Variants in TTC5 observed in about 807,000 individuals in gnomAD.
TTC5 encodes the protein tetratricopeptide repeat protein 5.
Under a neutral mutation model 57.4 loss-of-function variants are expected in TTC5, and 46 were observed. The observed-to-expected ratio is 0.80, with a 90% CI of 0.63 to 1.03. TTC5 has a LOEUF of 1.03. Ranked by LOEUF, TTC5 falls within the 50% of genes least tolerant of loss-of-function variation. The pLI is 0.00. For missense variants in TTC5, 504 were observed against 528.1 expected (o/e 0.95, Z 0.45); for synonymous variants, 190 against 203.5 (o/e 0.93, Z 0.57).
At position 20,290,502 on chromosome 14, in the gene TTC5, G is replaced by C. The variant is rs536959868; in HGVS notation, c.1204-756C>G. On this transcript the variant is annotated intron_variant, in intron 9 of 9. Coordinates refer to ENST00000258821, the MANE Select transcript of TTC5 (RefSeq NM_138376.3). Reference sequence around the variant, plus strand: ...TTAATATTCATGCTATATTTTCCATGTAAAATTAGAAAATAACTTTTCAAA... The same window carrying C: ...TTAATATTCATGCTATATTTTCCATCTAAAATTAGAAAATAACTTTTCAAA... Among the ~76,000 whole-genome samples the C allele has an allele frequency of 1.4e-3, 217 of 152,210 alleles. 1 individual carries two copies. The highest frequency in any genetic ancestry group is 1.1e-3 in the Admixed American group (17 of 15,286).
At chr14:20,303,286 G>C (rs1248053042) in intron 1 of TTC5, among the ~76,000 whole-genome samples, 1 of 151,924 alleles carries the variant, frequency 6.6e-6, no homozygotes. Context: ...AAAGTGCTGG[G>C]ACTACAGGCA....
chr14:20,297,680 G>C (rs762632758), intron 5 of TTC5, among the ~76,000 whole-genome samples: 5 of 152,024 alleles, frequency 3.3e-5, no homozygotes, highest in Non-Finnish European at 7.4e-5. Flanking sequence ...GACTGAGGCA[G>C]GAGACTCACT....
intron 9 of TTC5, among the ~76,000 whole-genome samples, chr14:20,291,494 CA>C (rs1881951990): frequency 6.6e-6 from 1 of 152,134 alleles, no homozygotes; most frequent in Non-Finnish European, 1.5e-5. Flanking sequence ...TGGGGCAAGG[CA>C]GGTAATAAAA....
chr14:20,299,462 G>A lies in TTC5; in HGVS notation c.397-14C>T, dbSNP rs1236518503. The A allele has an allele frequency of 1.9e-6, 3 of 1,612,170 alleles. No homozygotes were observed. The highest frequency in any genetic ancestry group is 2.2e-5 in the South Asian group (2 of 91,050). On this transcript the variant is annotated splice_polypyrimidine_tract_variant and intron_variant, in intron 3 of 9. Transcript: ENST00000258821. Reference sequence around the variant, plus strand: ...TTTGTTCCTGCACTGCAAATAGGAAGGGCACATACTCAATCTTCCTGATTC... The same window carrying A: ...TTTGTTCCTGCACTGCAAATAGGAAAGGCACATACTCAATCTTCCTGATTC...
intron 3 of TTC5, among the ~76,000 whole-genome samples, chr14:20,300,155 A>ATATATATATATAT (rs1229722471): frequency 1.8e-4 from 16 of 89,332 alleles, no homozygotes; most frequent in African/African-American, 7.2e-4. Context: ...ATATATATAT[A>ATATATATATATAT]TTTTTTTTTT....
chr14:20,290,018 G>T (rs1566387996), intron 9 of TTC5, among the ~76,000 whole-genome samples: 1 of 152,168 alleles, frequency 6.6e-6, no homozygotes, highest in Non-Finnish European at 1.5e-5. Flanking sequence ...CAGGTTCCTG[G>T]CATTGCCTAA....
Position 20,295,843 on chromosome 14 carries a change from A to C in TTC5, c.708T>G (p.Tyr236Ter). Residue 236 changes from tyrosine (Y) to a stop codon, truncating the protein, a stop_gained, in exon 7 of 10, where the codon TAT becomes TAG. Transcript: ENST00000258821. LOFTEE classifies it high-confidence loss of function. ...CCAGGGCCTCCCCATAACTCTCTTC[A>C]TATTTATGCAACTGTACAAGAAGTG... The part of the protein sequence containing the change: ...LHLNRATLHK[Y>*]EESYGEALEG... The C allele has an allele frequency of 6.3e-7, 1 of 1,583,094 alleles. No individual in the cohort carries two copies. Among genetic ancestry groups the C allele is most frequent in the Non-Finnish European group, 8.5e-7 (1 of 1,171,304 alleles).
intron 4 of TTC5, 74 bp downstream of exon 4, chr14:20,299,224 A>T: frequency 1.3e-6 from 2 of 1,515,234 alleles, no homozygotes; most frequent in South Asian, 2.4e-5. Context: ...CACTCAAAAG[A>T]GGGACTGCAA....
At chr14:20,295,983 A>T in intron 6 of TTC5, 129 bp from the exon 7 acceptor site, 1 of 930,586 alleles carries the variant, frequency 1.1e-6, no homozygotes, top group South Asian at 2.0e-5. Context: ...GCTGCAACAA[A>T]CAGCCTGAAG....
At chr14:20,300,552 C>T in intron 3 of TTC5, 55 bp downstream of exon 3, 1 of 1,494,752 alleles carries the variant, frequency 6.7e-7, no homozygotes, top group Non-Finnish European at 9.0e-7. Context: ...CTCATAGAAC[C>T]AAAGAAATTC....
intron 1 of TTC5, among the ~76,000 whole-genome samples, chr14:20,303,895 T>G (rs1882240055): frequency 6.6e-6 from 1 of 152,224 alleles, no homozygotes; most frequent in African/African-American, 2.4e-5. Context: ...ACCTTATGCC[T>G]GGACACTTTC....
intron 8 of TTC5, chr14:20,293,919 T>C (rs1882010335): frequency 6.6e-6 from 1 of 152,182 alleles, no homozygotes; most frequent in Admixed American, 6.5e-5. Flanking sequence ...CAGATGGTTA[T>C]AGGAATCCAA....
At chr14:20,289,891 G>C in intron 9 of TTC5, 145 bp from the exon 10 acceptor site, 2 of 896,370 alleles carry the variant, frequency 2.2e-6, no homozygotes, top group Non-Finnish European at 3.1e-6. Context: ...ACAAAACTGA[G>C]CTAACACAGG....
chr14:20,293,416 G>A (rs1017349563), intron 8 of TTC5: 1 of 152,200 alleles, frequency 6.6e-6, no homozygotes, highest in African/African-American at 2.4e-5. Context: ...CAACAAAATT[G>A]TTCCATGGTT....
chr14:20,289,953 G>GT (rs1357037902), intron 9 of TTC5, among the ~76,000 whole-genome samples: 7 of 152,220 alleles, frequency 4.6e-5, no homozygotes, highest in African/African-American at 7.2e-5. Flanking sequence ...CATGGAGCAT[G>GT]TAAGGTCATG....
Position 20,289,140 on chromosome 14 carries a change from T to TC in TTC5, c.*486_*487insG, listed in dbSNP as rs1183870817. 1 of 151,048 alleles carries TC rather than the reference T, an allele frequency of 6.6e-6. No homozygotes were observed. Among genetic ancestry groups the TC allele is most frequent in the African/African-American group, 2.4e-5 (1 of 41,108 alleles). The allele number at this position is 151,048 out of a possible 1,614,324, so 9.4% of individuals were successfully genotyped here. On this transcript the variant is annotated 3_prime_UTR_variant, in exon 10 of 10. Coordinates refer to ENST00000258821, the MANE Select transcript of TTC5 (RefSeq NM_138376.3). ...GCCAAACTACGTGGTGTTTTTTTTTTTTTCCAAACAAATTTAATTCTGTTC... is the reference window on the plus strand; with the variant it reads ...GCCAAACTACGTGGTGTTTTTTTTTTCTTTCCAAACAAATTTAATTCTGTTC...
intron 8 of TTC5, chr14:20,292,640 G>A (rs1431157616): frequency 1.3e-5 from 2 of 152,304 alleles, no homozygotes; most frequent in African/African-American, 4.8e-5. Flanking sequence ...ATCCAGCTAT[G>A]AATGACCTAT....
intron 1 of TTC5, among the ~76,000 whole-genome samples, chr14:20,304,873 C>G (rs1882258733): frequency 6.6e-6 from 1 of 152,078 alleles, no homozygotes; most frequent in Middle Eastern, 3.4e-3. Flanking sequence ...ATGGCAAAAT[C>G]AATACATGTA....
In TTC5 at chr14:20,289,571, C is replaced by G; in HGVS notation, c.*56G>C. The G allele has an allele frequency of 6.4e-7, 1 of 1,552,076 alleles. No homozygotes were observed. The highest frequency in any genetic ancestry group is 1.2e-5 in the South Asian group (1 of 83,198). On this transcript the variant is annotated 3_prime_UTR_variant, in exon 10 of 10. Transcript: ENST00000258821. ...GAATCACTGGATGTGGCTGGACCGG[C>G]TGTCCAGAGCCTTGTCTCCTCTCCT...
Sources: gnomAD v4.1 joint callset for allele counts (sites outside exome capture counted in the v4.1 genomes callset) on GRCh38, gnomAD v4.1.1 for gene constraint, MANE v1.5 for transcripts, NCBI Gene and HGNC (gene_info 2026-07-23, HGNC 2026-07-21) for gene names.